Variants in ISM1 observed in about 807,000 individuals in gnomAD.
ISM1 encodes the protein isthmin 1, also known as isthmin-1.
ISM1 carries 25 observed loss-of-function variants against 46.3 expected under a neutral mutation model. That is an observed-to-expected ratio of 0.54 (90% CI 0.39 to 0.75). The LOEUF (loss-of-function observed/expected upper bound fraction) is 0.75. Ranked by LOEUF, ISM1 falls within the 30% of genes least tolerant of loss-of-function variation. The pLI is 0.00. For synonymous variants in ISM1, 255 were observed against 256.7 expected, an observed-to-expected ratio of 0.99 and a Z score of 0.06; for missense variants, 536 against 625.4, an observed-to-expected ratio of 0.86 and a Z score of 1.52.
chr20:13,268,956 C>A (rs1047014051), intron 1 of ISM1, among the ~76,000 whole-genome samples: 1 of 152,080 alleles, frequency 6.6e-6, no homozygotes, highest in Non-Finnish European at 1.5e-5. Context: ...ATAATCCCTT[C>A]CCTAAGGTTA....
chr20:13,230,751 AAAAAG>A (rs762232268), intron 1 of ISM1, among the ~76,000 whole-genome samples: 6 of 152,126 alleles, frequency 3.9e-5, no homozygotes, highest in Admixed American at 2.0e-4. Flanking sequence ...TTGTAGAAAA[AAAAAG>A]AAAAGAAAAG....
chr20:13,263,140 A>T (rs1469365629), intron 1 of ISM1, among the ~76,000 whole-genome samples: 1 of 152,150 alleles, frequency 6.6e-6, no homozygotes, highest in African/African-American at 2.4e-5. Context: ...TTGCACTGTC[A>T]TGCTTGCTAT....
At chr20:13,301,918 G>A (rs76128382), downstream of ISM1, among the ~76,000 whole-genome samples, 752 of 152,310 alleles carry the variant, frequency 4.9e-3, 8 homozygotes, top group African/African-American at 0.017. Context: ...AATCAGGGAA[G>A]TATCTGTTGG....
At chr20:13,227,187 T>G (rs1310028165) in intron 1 of ISM1, among the ~76,000 whole-genome samples, 1 of 152,204 alleles carries the variant, frequency 6.6e-6, no homozygotes, top group Non-Finnish European at 1.5e-5. Flanking sequence ...TTTTGACTTT[T>G]TAATTTACTT....
the ISM1 span, among the ~76,000 whole-genome samples, chr20:13,309,630 C>G: frequency 6.6e-6 from 1 of 152,100 alleles, no homozygotes; most frequent in African/African-American, 2.4e-5. Flanking sequence ...TAAAAGGCAT[C>G]TAAATCAGAA....
chr20:13,325,799 AT>A, the ISM1 span, among the ~76,000 whole-genome samples: 1 of 152,264 alleles, frequency 6.6e-6, no homozygotes, highest in South Asian at 2.1e-4. Context: ...TTAACAGAAA[AT>A]TTTTCAAGTA....
At chr20:13,274,708 A>G (rs2123266063) in intron 2 of ISM1, among the ~76,000 whole-genome samples, 1 of 124,388 alleles carries the variant, frequency 8.0e-6, no homozygotes, top group Non-Finnish European at 1.6e-5. Context: ...CTTGACTTTC[A>G]GGATAGGAAA....
At chr20:13,317,734 C>T in the ISM1 span, among the ~76,000 whole-genome samples, 3 of 152,058 alleles carry the variant, frequency 2.0e-5, no homozygotes, top group Non-Finnish European at 2.9e-5. Context: ...AGTGAGCATT[C>T]ACATGCAAAA....
At chr20:13,315,614 C>T in the ISM1 span, among the ~76,000 whole-genome samples, 2 of 152,000 alleles carry the variant, frequency 1.3e-5, no homozygotes, top group Admixed American at 6.6e-5. Flanking sequence ...CAACATCCCT[C>T]ATAGTTGAAC....
At chr20:13,272,482 T>C (rs1156411993) in intron 2 of ISM1, among the ~76,000 whole-genome samples, 3 of 152,164 alleles carry the variant, frequency 2.0e-5, no homozygotes, top group Non-Finnish European at 4.4e-5. Context: ...GCTGGAGGGA[T>C]CATGAAGACA....
intron 2 of ISM1, among the ~76,000 whole-genome samples, chr20:13,275,340 GCCT>G (rs1309471051): frequency 6.6e-6 from 1 of 152,054 alleles, no homozygotes; most frequent in Non-Finnish European, 1.5e-5. Flanking sequence ...TTTTGATTTT[GCCT>G]CCTCCTTTTT....
At chr20:13,226,851 A>G (rs576502297) in intron 1 of ISM1, among the ~76,000 whole-genome samples, 7 of 152,354 alleles carry the variant, frequency 4.6e-5, no homozygotes, top group Admixed American at 3.3e-4. Flanking sequence ...GGTTGCTTAG[A>G]TTCTAGTGGA....
rs147482024 is a variant in ISM1 at position 13,256,385 on chromosome 20, G to C, written c.139-14119G>C. Reference sequence around the variant, plus strand: ...TACTCCAGCCTGGGCAACAGAGTGAGACCCCGTCTCAAAAAAAAAAAAAAA... The same window carrying C: ...TACTCCAGCCTGGGCAACAGAGTGACACCCCGTCTCAAAAAAAAAAAAAAA... On this transcript the variant is annotated intron_variant, in intron 1 of 5. Coordinates refer to ENST00000262487, the MANE Select transcript of ISM1 (RefSeq NM_080826.2). 6.7e-3 allele frequency among the ~76,000 whole-genome samples: 809 copies of C among 121,260 alleles called. 9 individuals carry two copies. The highest frequency in any genetic ancestry group is 0.024 in the African/African-American group (723 of 29,830). 79.6% of individuals were successfully genotyped at this position (121,260 alleles called of 152,430 possible). A position where few individuals can be genotyped will look rare whatever the true frequency, so the allele number is the denominator to read the frequency against.
At chr20:13,265,140 T>A (rs1568677099) in intron 1 of ISM1, among the ~76,000 whole-genome samples, 3 of 152,186 alleles carry the variant, frequency 2.0e-5, no homozygotes, top group African/African-American at 7.2e-5. Flanking sequence ...TCTGAAACCC[T>A]TTGGATCTAT....
At chr20:13,298,864 G>C in intron 5 of ISM1, 78 bp from the exon 6 acceptor site, 2 of 1,451,676 alleles carry the variant, frequency 1.4e-6, no homozygotes, top group Non-Finnish European at 1.9e-6. Context: ...GAGCAGCCTG[G>C]TGTCACATGC....
At chr20:13,314,244 G>A in the ISM1 span, among the ~76,000 whole-genome samples, 1 of 151,990 alleles carries the variant, frequency 6.6e-6, no homozygotes, top group Non-Finnish European at 1.5e-5. Context: ...CAAATTAATG[G>A]CAAACATAAA....
chr20:13,223,162 A>AAAAATAAAAT (rs1275238008), intron 1 of ISM1, among the ~76,000 whole-genome samples: 1 of 146,074 alleles, frequency 6.8e-6, no homozygotes, highest in East Asian at 2.1e-4. Context: ...GTCTCAAAAA[A>AAAAATAAAAT]AAAATAAAAT....
intron 1 of ISM1, among the ~76,000 whole-genome samples, chr20:13,230,488 C>T (rs994537013): frequency 1.3e-5 from 2 of 152,150 alleles, no homozygotes; most frequent in Non-Finnish European, 2.9e-5. Flanking sequence ...TATTATTTCT[C>T]TCTCATCTTC....
intron 2 of ISM1, among the ~76,000 whole-genome samples, chr20:13,271,850 CTGCA>C (rs67718864): frequency 0.16 from 23,781 of 152,094 alleles, 1,935 homozygotes; most frequent in East Asian, 0.21. Flanking sequence ...TCATAGCTTA[CTGCA>C]TGCAGCCCCT....
Sources: allele counts gnomAD v4.1 joint callset (sites outside exome capture counted in the v4.1 genomes callset), GRCh38; gene constraint gnomAD v4.1.1; transcripts MANE v1.5; gene names NCBI Gene and HGNC (gene_info 2026-07-23, HGNC 2026-07-21).